Variants in ZNF704 observed in about 807,000 individuals in gnomAD.
ZNF704 encodes the protein glucocorticoid induced gene 1.
In ZNF704, 10 loss-of-function variants were observed where a neutral mutation model predicts 44.7. That is an observed-to-expected ratio of 0.22 (90% CI 0.14 to 0.38). ZNF704 has a LOEUF of 0.38. Among genes scored for constraint, ZNF704 ranks in the 10% least tolerant of loss-of-function variants. The pLI is 1.00. For synonymous variants in ZNF704, 211 were observed against 207.6 expected (o/e 1.02, Z -0.14); for missense variants, 390 against 545.5 (o/e 0.71, Z 2.84).
At chr8:80,773,424 T>C (rs1263080006) in intron 2 of ZNF704, among the ~76,000 whole-genome samples, 1 of 152,228 alleles carries the variant, frequency 6.6e-6, no homozygotes, top group Non-Finnish European at 1.5e-5. Flanking sequence ...TTTTTAATTG[T>C]TTTAAATATT....
intron 2 of ZNF704, among the ~76,000 whole-genome samples, chr8:80,725,659 T>C (rs1806466471): frequency 6.6e-6 from 1 of 152,116 alleles, no homozygotes; most frequent in African/African-American, 2.4e-5. Context: ...TCCTGCAAAC[T>C]TAGAGTCAGC....
intron 2 of ZNF704, among the ~76,000 whole-genome samples, chr8:80,796,863 T>G (rs1317518233): frequency 2.8e-5 from 3 of 106,750 alleles, no homozygotes; most frequent in African/African-American, 4.2e-5. Context: ...AAAAGAGAAA[T>G]GAAAGAGAGA....
chr8:80,709,429 C>T (rs185038121), intron 2 of ZNF704, among the ~76,000 whole-genome samples: 13 of 109,896 alleles, frequency 1.2e-4, no homozygotes, highest in East Asian at 5.3e-4. Context: ...GGCAACAGTG[C>T]GAGACTCCAT....
chr8:80,836,391 T>A (rs1006396107), intron 1 of ZNF704, among the ~76,000 whole-genome samples: 1 of 152,172 alleles, frequency 6.6e-6, no homozygotes, highest in Non-Finnish European at 1.5e-5. Context: ...CAAATGTCTT[T>A]CTCAGTGAAG....
upstream of ZNF704, among the ~76,000 whole-genome samples, chr8:80,876,295 G>A (rs1219375568): frequency 6.6e-6 from 1 of 152,180 alleles, no homozygotes; most frequent in African/African-American, 2.4e-5. Context: ...GGGTGTGTCT[G>A]ATCAAAGCAT....
chr8:80,660,470 CAAA>C (rs139254906), intron 6 of ZNF704, among the ~76,000 whole-genome samples: 8 of 77,000 alleles, frequency 1.0e-4, no homozygotes, highest in African/African-American at 2.3e-4. Flanking sequence ...AATCTTGTCT[CAAA>C]AAAAAAAAAA....
intron 2 of ZNF704, among the ~76,000 whole-genome samples, chr8:80,747,694 T>C (rs1795469236): frequency 6.6e-6 from 1 of 152,164 alleles, no homozygotes; most frequent in Admixed American, 6.5e-5. Flanking sequence ...ACCATTTAAG[T>C]AGATTTTTGA....
chr8:80,645,060 A>C (rs1817805799), intron 7 of ZNF704: 1 of 1,408,518 alleles, frequency 7.1e-7, no homozygotes, highest in South Asian at 1.2e-5. Context: ...AGATTCAGAC[A>C]TCAAATGGGT....
intron 1 of ZNF704, among the ~76,000 whole-genome samples, chr8:80,837,164 T>C (rs1808597577): frequency 6.6e-6 from 1 of 152,152 alleles, no homozygotes; most frequent in South Asian, 2.1e-4. Context: ...CTAAAAGCAC[T>C]TTCCTAAGCT....
At chr8:80,867,546 G>A (rs958530565) in intron 1 of ZNF704, among the ~76,000 whole-genome samples, 1 of 152,030 alleles carries the variant, frequency 6.6e-6, no homozygotes, top group Non-Finnish European at 1.5e-5. Context: ...GTGGTCAAAT[G>A]AAAGTACTGG....
intron 7 of ZNF704, chr8:80,644,855 A>G: frequency 5.6e-6 from 4 of 712,416 alleles, no homozygotes; most frequent in Non-Finnish European, 1.0e-5. Context: ...AGAAGGCAAC[A>G]TAATAATGTT....
chr8:80,745,777 C>G (rs73692122), intron 2 of ZNF704, among the ~76,000 whole-genome samples: 6,303 of 152,182 alleles, frequency 0.041, 460 homozygotes, highest in African/African-American at 0.14. Context: ...TTCCACATAT[C>G]AGATTACAGC....
At chr8:80,728,575 G>A (rs974971420) in intron 2 of ZNF704, among the ~76,000 whole-genome samples, 12 of 152,150 alleles carry the variant, frequency 7.9e-5, no homozygotes, top group African/African-American at 2.4e-4. Context: ...ATTTAACACT[G>A]TAACTGTTCC....
At chr8:80,829,808 G>A (rs1808438349) in intron 1 of ZNF704, among the ~76,000 whole-genome samples, 1 of 152,066 alleles carries the variant, frequency 6.6e-6, no homozygotes, top group Non-Finnish European at 1.5e-5. Context: ...GAGAAATTTA[G>A]CAATGTAACG....
intron 2 of ZNF704, among the ~76,000 whole-genome samples, chr8:80,695,184 A>G (rs1361482231): frequency 6.6e-6 from 1 of 152,242 alleles, no homozygotes; most frequent in African/African-American, 2.4e-5. Context: ...TGTTGGCTCA[A>G]TCTGCCCATG....
intron 2 of ZNF704, among the ~76,000 whole-genome samples, chr8:80,759,947 G>C (rs1165360007): frequency 6.6e-6 from 1 of 152,008 alleles, no homozygotes; most frequent in African/African-American, 2.4e-5. Context: ...TGTAGAGATG[G>C]GGATCTTACT....
chr8:80,843,092 T>C (rs1808708377), intron 1 of ZNF704, among the ~76,000 whole-genome samples: 1 of 152,220 alleles, frequency 6.6e-6, no homozygotes, highest in African/African-American at 2.4e-5. Context: ...TTTCCACCAA[T>C]ATTTCTCATA....
At chr8:80,773,758 C>T (rs1807364070) in intron 2 of ZNF704, among the ~76,000 whole-genome samples, 1 of 152,026 alleles carries the variant, frequency 6.6e-6, no homozygotes, top group South Asian at 2.1e-4. Flanking sequence ...CTATTTTTTT[C>T]ACCTCCATAG....
chr8:80,734,712 T>C (rs1254311340), intron 2 of ZNF704, among the ~76,000 whole-genome samples: 2 of 152,246 alleles, frequency 1.3e-5, no homozygotes, highest in Non-Finnish European at 2.9e-5. Context: ...TGTATTCCAC[T>C]TGAGCTATAA....
Sources: gnomAD v4.1 joint callset for allele counts (sites outside exome capture counted in the v4.1 genomes callset) on GRCh38, gnomAD v4.1.1 for gene constraint, MANE v1.5 for transcripts, NCBI Gene and HGNC (gene_info 2026-07-23, HGNC 2026-07-21) for gene names.